Variants in POLR3B observed in about 807,000 individuals in gnomAD.
The protein encoded by POLR3B is RNA polymerase III subunit B, also known as DNA-directed RNA polymerase III subunit RPC2.
Under a neutral mutation model 147.4 loss-of-function variants are expected in POLR3B, and 96 were observed. The observed-to-expected ratio is 0.65, with a 90% confidence interval of 0.55 to 0.77. POLR3B has a LOEUF of 0.77. Among genes scored for constraint, POLR3B ranks in the 30% least tolerant of loss-of-function variants. POLR3B has a pLI of 0.00. For missense variants in POLR3B, 1,036 were observed against 1,413.5 expected, an observed-to-expected ratio of 0.73 and a Z score of 4.28; for synonymous variants, 461 against 485.9, an observed-to-expected ratio of 0.95 and a Z score of 0.67.
intron 23 of POLR3B, among the ~76,000 whole-genome samples, chr12:106,482,158 T>A (rs2038276166): frequency 6.6e-6 from 1 of 152,356 alleles, no homozygotes; most frequent in South Asian, 2.1e-4. Flanking sequence ...TTCTTGAATG[T>A]CACCCATCTG....
rs1171962004 is a variant in POLR3B, at chr12:106,432,468, G to T, written c.1615G>T (p.Val539Phe). Residue 539 changes from valine (V) to phenylalanine (F), a missense_variant, in exon 15 of 28, where the codon GTC (valine) becomes TTC (phenylalanine). By Grantham distance (50) the Val-to-Phe change is conservative (BLOSUM62 -1). Around this residue, in one of 12 missense-constraint regions of POLR3B, gnomAD observed 177 missense variants for 232.7 expected, o/e 0.76. Coordinates refer to ENST00000228347, the MANE Select transcript of POLR3B (RefSeq NM_018082.6). Reference protein sequence around the residue: ...EELSYPNVFLVFLNGNILGVI... With the variant: ...EELSYPNVFLFFLNGNILGVI... ...GCTCTCTTACCCAAATGTGTTTCTT[G>T]TCTTTCTTAATGGTGGGTATATTAT... 1.9e-6 allele frequency: 3 copies of T among 1,612,692 alleles called. No individual in the cohort carries two copies. In the East Asian group the frequency reaches 6.7e-5, roughly 36 times the overall value.
rs1326473993 is a variant in POLR3B, at chr12:106,386,338, G to A, written c.723+6199G>A. Among the ~76,000 whole-genome samples the A allele has an allele frequency of 2.6e-3, 315 of 123,430 alleles. 2 individuals carry two copies. Among genetic ancestry groups the A allele is most frequent in the African/African-American group, 0.012 (292 of 25,386 alleles). The allele number at this position is 123,430 out of a possible 152,430, so 81.0% of individuals were successfully genotyped here. ...AGCCTGGGTGACAGAGGGAGACTCC[G>A]TCTCAAAAAAAAAAAAAAAGAAAAC... On this transcript the variant is annotated intron_variant, in intron 9 of 27. Coordinates refer to ENST00000228347, the MANE Select transcript of POLR3B (RefSeq NM_018082.6).
intron 23 of POLR3B, among the ~76,000 whole-genome samples, chr12:106,480,292 A>G (rs1400062981): frequency 6.6e-6 from 1 of 152,214 alleles, no homozygotes; most frequent in East Asian, 1.9e-4. Context: ...AAGCATTTCA[A>G]AGCTCTGTGT....
At position 106,455,127 on chromosome 12, in the gene POLR3B, G is replaced by A. The variant is rs375553508; in HGVS notation, c.2293+416G>A. ...GGATGTAAAAGGCTGTTTCTTATTT[G>A]TGTAACCTCATAATTTGGTAACTTC... is the stretch of plus-strand genomic sequence containing the variant. On this transcript the variant is annotated intron_variant, in intron 20 of 27. Transcript: ENST00000228347. Among the ~76,000 whole-genome samples the A allele has an allele frequency of 3.0e-3, 453 of 152,286 alleles. 1 individual carries two copies. The highest frequency in any genetic ancestry group is 9.4e-3 in the African/African-American group (390 of 41,570).
At position 106,432,457 on chromosome 12, in the gene POLR3B, A is replaced by T; in HGVS notation, c.1604A>T (p.Asn535Ile). 1 of 1,613,264 alleles carries T rather than the reference A, an allele frequency of 6.2e-7. No individual in the cohort carries two copies. Among genetic ancestry groups the T allele is most frequent in the Non-Finnish European group, 8.5e-7 (1 of 1,179,244 alleles). Residue 535 changes from asparagine to isoleucine, a missense_variant, in exon 15 of 28, where the codon AAT becomes ATT. Physicochemically the swap from Asn to Ile is moderately radical, Grantham distance 149. Coordinates refer to ENST00000228347, the MANE Select transcript of POLR3B (RefSeq NM_018082.6). ...LLCGEELSYP[N>I]VFLVFLNGNI... is the part of the protein sequence containing the mutation. ...TGTGGGGAAGAGCTCTCTTACCCAAATGTGTTTCTTGTCTTTCTTAATGGT... is the reference window on the plus strand; with the variant it reads ...TGTGGGGAAGAGCTCTCTTACCCAATTGTGTTTCTTGTCTTTCTTAATGGT...
intron 19 of POLR3B, among the ~76,000 whole-genome samples, chr12:106,445,487 G>A (rs987929719): frequency 2.6e-5 from 4 of 152,094 alleles, no homozygotes; most frequent in South Asian, 2.1e-4. Context: ...TAGTGTGGCT[G>A]CCTAGTGTAG....
At chr12:106,464,261 C>T (rs897617076) in intron 23 of POLR3B, among the ~76,000 whole-genome samples, 6 of 152,160 alleles carry the variant, frequency 3.9e-5, no homozygotes, top group African/African-American at 1.4e-4. Flanking sequence ...TCAAGAAACA[C>T]GCACTGTATC....
At chr12:106,498,561 T>C (rs1592778349) in intron 25 of POLR3B, among the ~76,000 whole-genome samples, 2 of 151,912 alleles carry the variant, frequency 1.3e-5, no homozygotes, top group East Asian at 3.9e-4. Flanking sequence ...TTTTGGGAGT[T>C]TTTTTTGTTT....
chr12:106,447,309 A>G (rs1209993140), intron 19 of POLR3B, among the ~76,000 whole-genome samples: 4 of 152,172 alleles, frequency 2.6e-5, no homozygotes, highest in African/African-American at 9.7e-5. Context: ...TATCACTACG[A>G]AGGAGACCAA....
chr12:106,367,577 A>G (rs918184879), intron 4 of POLR3B, among the ~76,000 whole-genome samples: 3 of 152,170 alleles, frequency 2.0e-5, no homozygotes, highest in African/African-American at 7.2e-5. Context: ...AAGTTCCTTT[A>G]ATTTGAGTTT....
intron 12 of POLR3B, among the ~76,000 whole-genome samples, chr12:106,417,423 C>T (rs2037319192): frequency 6.6e-6 from 1 of 152,130 alleles, no homozygotes; most frequent in Admixed American, 6.6e-5. Flanking sequence ...TGGCATTCTA[C>T]ATGCAGCAGA....
At chr12:106,477,738 C>T (rs901021926) in intron 23 of POLR3B, among the ~76,000 whole-genome samples, 2 of 152,090 alleles carry the variant, frequency 1.3e-5, no homozygotes, top group Non-Finnish European at 2.9e-5. Flanking sequence ...AGGGTACGCG[C>T]ACCCACTGGC....
In POLR3B at chr12:106,378,650, TTA is replaced by T. The variant is rs979378117; in HGVS notation, c.614+267_614+268del. Among the ~76,000 whole-genome samples, 11 of 149,030 alleles carry T rather than the reference TTA, an allele frequency of 7.4e-5. 1 individual carries two copies. The highest frequency in any genetic ancestry group is 4.0e-4 in the Admixed American group (6 of 14,978). On this transcript the variant is annotated intron_variant, in intron 8 of 27. Coordinates refer to ENST00000228347, the MANE Select transcript of POLR3B (RefSeq NM_018082.6). The stretch of plus-strand genomic sequence containing the variant: ...TAGCTTATAGAGCATGAAAGGAGAT[TTA>T]AAAAAAAAAAAATAAAACCACTCTT...
At chr12:106,375,706 T>C (rs1565876823) in intron 6 of POLR3B, among the ~76,000 whole-genome samples, 2 of 152,210 alleles carry the variant, frequency 1.3e-5, no homozygotes, top group Non-Finnish European at 2.9e-5. Context: ...TTAGTTTTCA[T>C]AGCCTCTTGT....
chr12:106,410,982 G>T (rs533211800), intron 12 of POLR3B, 22 bp downstream of exon 12: 3 of 1,604,256 alleles, frequency 1.9e-6, no homozygotes, highest in Non-Finnish European at 2.6e-6. Flanking sequence ...TTTTATGTCA[G>T]AAATCTTGTT....
chr12:106,471,846 G>C (rs1592760592), intron 23 of POLR3B, among the ~76,000 whole-genome samples: 1 of 151,894 alleles, frequency 6.6e-6, no homozygotes, highest in Non-Finnish European at 1.5e-5. Flanking sequence ...GTACATGTAT[G>C]TGTATAAACA....
chr12:106,503,595 G>A (rs2137088149), intron 26 of POLR3B, among the ~76,000 whole-genome samples: 3 of 152,294 alleles, frequency 2.0e-5, no homozygotes, highest in Middle Eastern at 6.8e-3. Context: ...ATCCATTCAA[G>A]AGGCTAACAG....
intron 6 of POLR3B, among the ~76,000 whole-genome samples, chr12:106,371,828 T>C (rs1301497085): frequency 6.7e-6 from 1 of 149,014 alleles, no homozygotes; most frequent in Non-Finnish European, 1.5e-5. Context: ...TTAGGAGATA[T>C]ACCTAATGCT....
At chr12:106,359,029 G>A (rs1416430011) in intron 1 of POLR3B, among the ~76,000 whole-genome samples, 1 of 152,146 alleles carries the variant, frequency 6.6e-6, no homozygotes, top group Non-Finnish European at 1.5e-5. Context: ...AACAGCTTGG[G>A]CGACATGGCA....
Sources: gnomAD v4.1 joint callset for allele counts (sites outside exome capture counted in the v4.1 genomes callset) on GRCh38, gnomAD v4.1.1 for gene constraint, gnomAD v4.1.1 regional missense constraint, MANE v1.5 for transcripts, NCBI Gene and HGNC (gene_info 2026-07-23, HGNC 2026-07-21) for gene names.